Variants in MAD1L1 observed in about 807,000 individuals in gnomAD.
MAD1L1 encodes mitotic arrest deficient 1 like 1.
In MAD1L1, 95 loss-of-function variants were observed where a neutral mutation model predicts 96.9. The observed-to-expected ratio is 0.98, with a 90% CI of 0.83 to 1.16. The LOEUF (loss-of-function observed/expected upper bound fraction) is 1.16, where lower values mean the gene tolerates loss of function less well. Ranked by LOEUF, MAD1L1 falls within the 50% of genes most tolerant of loss-of-function variation. The pLI is 0.00. For synonymous variants in MAD1L1, 473 were observed against 396.6 expected (o/e 1.19, Z -2.29); for missense variants, 1,007 against 954.4 (o/e 1.06, Z -0.73).
At chr7:2,131,931 T>C (rs1788527024) in intron 11 of MAD1L1, among the ~76,000 whole-genome samples, 1 of 152,224 alleles carries the variant, frequency 6.6e-6, no homozygotes, top group Non-Finnish European at 1.5e-5. Context: ...CGTGAAATGA[T>C]GGAGGGCTGC....
intron 11 of MAD1L1, among the ~76,000 whole-genome samples, chr7:2,147,400 G>C (rs1179006434): frequency 1.3e-5 from 2 of 152,236 alleles, no homozygotes; most frequent in Non-Finnish European, 2.9e-5. Flanking sequence ...CTTGGCTAAA[G>C]AAGCCCACAC....
chr7:1,892,860 C>T (rs533930028), intron 18 of MAD1L1, among the ~76,000 whole-genome samples: 1 of 152,348 alleles, frequency 6.6e-6, no homozygotes, highest in East Asian at 1.9e-4. Flanking sequence ...CGGTTTTGCC[C>T]CAAACTGCAT....
intron 12 of MAD1L1, among the ~76,000 whole-genome samples, chr7:2,024,705 T>C (rs1040735905): frequency 1.3e-5 from 2 of 152,198 alleles, no homozygotes; most frequent in East Asian, 1.9e-4. Context: ...GGTTTGTGGC[T>C]ATCCCTTGTG....
At chr7:1,847,369 G>A (rs1458104103) in intron 18 of MAD1L1, 1 of 471,094 alleles carries the variant, frequency 2.1e-6, no homozygotes, top group Admixed American at 2.3e-5. Flanking sequence ...GGGCGGACCA[G>A]GGTGTGCAGC....
At chr7:1,965,628 GT>G (rs1562567549) in intron 15 of MAD1L1, among the ~76,000 whole-genome samples, 1 of 152,206 alleles carries the variant, frequency 6.6e-6, no homozygotes, top group Non-Finnish European at 1.5e-5. Context: ...CCCGGCCCCC[GT>G]GGCCCCTGCC....
intron 12 of MAD1L1, among the ~76,000 whole-genome samples, chr7:2,031,669 A>T (rs1584132984): frequency 1.3e-5 from 2 of 152,220 alleles, no homozygotes; most frequent in African/African-American, 4.8e-5. Context: ...AGGAAGCCAT[A>T]CCCAAGCCAC....
At chr7:2,102,321 G>A (rs373789515) in intron 11 of MAD1L1, among the ~76,000 whole-genome samples, 1,619 of 94,350 alleles carry the variant, frequency 0.017, 25 homozygotes, top group African/African-American at 0.053. Context: ...CACCATCACC[G>A]CCGTCACCAT....
chr7:1,876,589 A>G lies in MAD1L1; in HGVS notation c.1998+21611T>C, dbSNP rs1785397611. Among the ~76,000 whole-genome samples, 3 of 152,064 alleles carry G rather than the reference A, an allele frequency of 2.0e-5. No homozygotes were observed. In the South Asian group the frequency reaches 6.2e-4, roughly 32 times the overall value. On this transcript the variant is annotated intron_variant, in intron 18 of 18. Coordinates refer to ENST00000265854, the MANE Select transcript of MAD1L1 (RefSeq NM_001013836.2). ...GGGGAAGAGGGTGGGATGGGCTCAC[A>G]GGGACTTCTCGATGCTGTTTTCCAT...
At chr7:1,981,078 T>C (rs1342644125) in intron 14 of MAD1L1, among the ~76,000 whole-genome samples, 2 of 152,302 alleles carry the variant, frequency 1.3e-5, no homozygotes, top group South Asian at 4.1e-4. Flanking sequence ...GTGATTCTTC[T>C]GCCTCAGCCT....
At chr7:1,906,885 C>T (rs1045187349) in intron 17 of MAD1L1, among the ~76,000 whole-genome samples, 2 of 152,228 alleles carry the variant, frequency 1.3e-5, no homozygotes, top group African/African-American at 2.4e-5. Flanking sequence ...TACTGCTGAA[C>T]GTCCGTTTAT....
At chr7:2,057,101 G>A (rs1020041823) in intron 12 of MAD1L1, among the ~76,000 whole-genome samples, 1 of 152,186 alleles carries the variant, frequency 6.6e-6, no homozygotes, top group Admixed American at 6.5e-5. Flanking sequence ...AGCCATCACC[G>A]CCTCAACGCG....
At chr7:1,913,003 C>T (rs1051160001) in intron 17 of MAD1L1, among the ~76,000 whole-genome samples, 2 of 152,294 alleles carry the variant, frequency 1.3e-5, no homozygotes, top group South Asian at 4.2e-4. Context: ...AGGCGAGCCC[C>T]CTCTGAGAAG....
chr7:2,152,661 T>C (rs1637769), intron 10 of MAD1L1, among the ~76,000 whole-genome samples: 2,210 of 152,310 alleles, frequency 0.015, 56 homozygotes, highest in African/African-American at 0.051. Context: ...GCCCCAGCCC[T>C]GACCCCTCCA....
chr7:1,829,848 C>T (rs111372524), intron 18 of MAD1L1, among the ~76,000 whole-genome samples: 30 of 152,082 alleles, frequency 2.0e-4, no homozygotes, highest in African/African-American at 6.5e-4. Flanking sequence ...GACAACTGAC[C>T]GACAGAGGAA....
chr7:2,083,208 T>C (rs574313323), intron 11 of MAD1L1, among the ~76,000 whole-genome samples: 6 of 152,354 alleles, frequency 3.9e-5, no homozygotes, highest in African/African-American at 1.4e-4. Context: ...TTCCCTTTCA[T>C]TCCTTTCTAG....
chr7:1,871,230 C>A (rs1472495995), intron 18 of MAD1L1, among the ~76,000 whole-genome samples: 2 of 142,230 alleles, frequency 1.4e-5, no homozygotes, highest in East Asian at 2.1e-4. Flanking sequence ...CACGCTGAAC[C>A]CAACATACGC....
intron 11 of MAD1L1, among the ~76,000 whole-genome samples, chr7:2,104,618 C>T (rs1786991849): frequency 6.6e-6 from 1 of 152,220 alleles, no homozygotes; most frequent in South Asian, 2.1e-4. Context: ...AATGAATTTA[C>T]TCCTCGTTAA....
chr7:1,862,165 G>A (rs932141802), intron 18 of MAD1L1, among the ~76,000 whole-genome samples: 1 of 152,186 alleles, frequency 6.6e-6, no homozygotes, highest in Non-Finnish European at 1.5e-5. Context: ...GCGGCACCCC[G>A]CAGCCTCGGT....
chr7:1,916,309 G>A (rs969740402), intron 17 of MAD1L1, among the ~76,000 whole-genome samples: 4 of 152,154 alleles, frequency 2.6e-5, no homozygotes, highest in African/African-American at 7.2e-5. Flanking sequence ...GTACCCAAAC[G>A]TCCACAACGT....
Sources: allele counts gnomAD v4.1 joint callset (sites outside exome capture counted in the v4.1 genomes callset), GRCh38; gene constraint gnomAD v4.1.1; transcripts MANE v1.5; gene names NCBI Gene and HGNC (gene_info 2026-07-23, HGNC 2026-07-21).